The following DCAF5 variants were observed in gnomAD, a reference collection of about 807,000 sequenced individuals.
The protein encoded by DCAF5 is DDB1 and CUL4 associated factor 5, also known as DDB1- and CUL4-associated factor 5.
Under a neutral mutation model 80.7 loss-of-function variants are expected in DCAF5, and 9 were observed. The observed-to-expected ratio is 0.11, with a 90% CI of 0.07 to 0.19. The LOEUF is 0.19. DCAF5 is among the 10% of genes least tolerant of loss of function. The pLI is 1.00. For synonymous variants in DCAF5, 433 were observed against 461.9 expected, an observed-to-expected ratio of 0.94 and a Z score of 0.80; for missense variants, 842 against 1,205.7, an observed-to-expected ratio of 0.70 and a Z score of 4.47.
chr14:69,052,388 G>T lies in DCAF5; in HGVS notation c.*1469C>A, dbSNP rs896557360. ...TTCGGCCCTCCCTACACCAATCCCA[G>T]CTGGGCTCCTAGTTGTCTAGCACCT... is the stretch of plus-strand genomic sequence containing the variant. On this transcript the variant is annotated 3_prime_UTR_variant, in exon 9 of 9. Transcript: ENST00000341516. 7 of 152,704 alleles carry T rather than the reference G, an allele frequency of 4.6e-5. No homozygotes were observed. The highest frequency in any genetic ancestry group is 1.5e-5 in the Non-Finnish European group (1 of 68,060). 9.5% of individuals were successfully genotyped at this position (152,704 alleles called of 1,614,324 possible).
rs1258255326 is a variant in DCAF5 at position 69,118,112 on chromosome 14, C to G, written c.535+27G>C. ...TGACATCAAACTGTTCAACACAGTC[C>G]AACAGTCATTTGCACAGTGAGCCTA... On this transcript the variant is annotated intron_variant, in intron 4 of 8. Transcript: ENST00000341516. This position sits in a 1 kb window ranked among gnomAD's most constrained non-coding sequence, Gnocchi z 4.0. 3 of 1,612,962 alleles carry G rather than the reference C, an allele frequency of 1.9e-6. No individual in the cohort carries two copies. Among genetic ancestry groups the G allele is most frequent in the Non-Finnish European group, 2.5e-6 (3 of 1,179,270 alleles).
At chr14:69,091,135 C>G (rs758217942) in intron 6 of DCAF5, 2 of 751,550 alleles carry the variant, frequency 2.7e-6, no homozygotes. Flanking sequence ...ACAGCTTGGG[C>G]TCTCCATTTC....
At chr14:69,102,877 G>C (rs1484939644) in intron 5 of DCAF5, among the ~76,000 whole-genome samples, 2 of 152,100 alleles carry the variant, frequency 1.3e-5, no homozygotes, top group African/African-American at 2.4e-5. Flanking sequence ...TAACACAGCT[G>C]TTTATTATCA....
At chr14:69,091,586 A>G in intron 6 of DCAF5, 88 bp downstream of exon 6, 1 of 1,205,646 alleles carries the variant, frequency 8.3e-7, no homozygotes, top group Non-Finnish European at 1.2e-6. Context: ...TACCTGACAT[A>G]ATGGTAATGA....
chr14:69,052,657 T>C lies in DCAF5; in HGVS notation c.*1200A>G, dbSNP rs983228857. ...TGGGAACCAGAAGACTTAAGACTAA[T>C]GGGAACCAGGAGTCATAAGCCAGAG... On this transcript the variant is annotated 3_prime_UTR_variant, in exon 9 of 9. Coordinates refer to ENST00000341516, the MANE Select transcript of DCAF5 (RefSeq NM_003861.3). 1 of 152,152 alleles carries C rather than the reference T, an allele frequency of 6.6e-6. No individual in the cohort carries two copies. Among genetic ancestry groups the C allele is most frequent in the African/African-American group, 2.4e-5 (1 of 41,422 alleles). The allele number at this position is 152,152 out of a possible 1,614,324, so 9.4% of individuals were successfully genotyped here. A position where few individuals can be genotyped will look rare whatever the true frequency, so the allele number is the denominator to read the frequency against.
At chr14:69,126,274 C>G (rs923769207) in intron 1 of DCAF5, among the ~76,000 whole-genome samples, 5 of 151,536 alleles carry the variant, frequency 3.3e-5, no homozygotes, top group African/African-American at 1.2e-4. Context: ...TCTCCTGCCT[C>G]AGCCTCCTGA....
rs1267148214 is a variant in DCAF5, at chr14:69,118,806, T to C, written c.395+388A>G. Among the ~76,000 whole-genome samples the C allele has an allele frequency of 6.6e-6, 1 of 152,224 alleles. No individual in the cohort carries two copies. Among genetic ancestry groups the C allele is most frequent in the Non-Finnish European group, 1.5e-5 (1 of 68,040 alleles). ...TGATCTAGAACGGAGATGACAATAGTATCTCCTCAGAAAATGAGTGTGAGG... is the reference window on the plus strand; with the variant it reads ...TGATCTAGAACGGAGATGACAATAGCATCTCCTCAGAAAATGAGTGTGAGG... On this transcript the variant is annotated intron_variant, in intron 3 of 8. Coordinates refer to ENST00000341516, the MANE Select transcript of DCAF5 (RefSeq NM_003861.3). The surrounding 1 kb of genome is among the most constrained non-coding windows in gnomAD (Gnocchi z 4.0).
intron 1 of DCAF5, among the ~76,000 whole-genome samples, chr14:69,127,014 C>G (rs1022640104): frequency 6.6e-6 from 1 of 152,170 alleles, no homozygotes; most frequent in Non-Finnish European, 1.5e-5. Flanking sequence ...TGGAACAACA[C>G]GCAATCTCAT....
chr14:69,084,312 T>C, intron 6 of DCAF5: 1 of 957,220 alleles, frequency 1.0e-6, no homozygotes, highest in South Asian at 1.3e-5. Context: ...CCAGGCTGTC[T>C]GCTGGACCAT....
chr14:69,153,036 G>A lies in DCAF5; in HGVS notation c.-58C>T. ...CGCCCCTCCCTCGGCCTCACGCGCG[G>A]CCGCTGCTCCCCCCACCCGGCCCTC... On this transcript the variant is annotated 5_prime_UTR_variant, in exon 1 of 9. Coordinates refer to ENST00000341516, the MANE Select transcript of DCAF5 (RefSeq NM_003861.3). 7.4e-7 allele frequency: 1 copy of A among 1,352,946 alleles called. No individual in the cohort carries two copies. The highest frequency in any genetic ancestry group is 9.6e-7 in the Non-Finnish European group (1 of 1,037,278). 83.8% of individuals were successfully genotyped at this position (1,352,946 alleles called of 1,614,324 possible).
chr14:69,120,436 T>G (rs927352691), intron 2 of DCAF5, among the ~76,000 whole-genome samples: 3 of 152,178 alleles, frequency 2.0e-5, no homozygotes, highest in African/African-American at 7.2e-5. Flanking sequence ...ATTTGATGAC[T>G]GTGATTCCAA....
At chr14:69,103,176 T>A (rs2040023482) in intron 5 of DCAF5, among the ~76,000 whole-genome samples, 1 of 152,252 alleles carries the variant, frequency 6.6e-6, no homozygotes, top group Admixed American at 6.5e-5. Context: ...TGTAGAATGA[T>A]TATATAGTAG....
At chr14:69,143,526 T>C (rs1037974990) in intron 1 of DCAF5, among the ~76,000 whole-genome samples, 21 of 150,920 alleles carry the variant, frequency 1.4e-4, no homozygotes, top group Non-Finnish European at 1.8e-4. Context: ...TGACATCAAA[T>C]ATTAGCTATT....
chr14:69,126,889 C>T (rs960339094), intron 1 of DCAF5, among the ~76,000 whole-genome samples: 1 of 151,994 alleles, frequency 6.6e-6, no homozygotes, highest in Admixed American at 6.5e-5. Flanking sequence ...GACTTTATAC[C>T]CTTCATAAAA....
rs140917906 is a variant in DCAF5, at chr14:69,071,061, G to A, written c.946+4284C>T. Among the ~76,000 whole-genome samples the A allele has an allele frequency of 8.7e-3, 1,327 of 152,176 alleles. 20 individuals are homozygous for A. Among genetic ancestry groups the A allele is most frequent in the African/African-American group, 0.031 (1,268 of 41,504 alleles). The stretch of plus-strand genomic sequence containing the variant: ...GATCTGCCCCCCTCAGCCTCCCAAA[G>A]TGCCGGGATTATAGGCATGAGCCAC... On this transcript the variant is annotated intron_variant, in intron 7 of 8. Coordinates refer to ENST00000341516, the MANE Select transcript of DCAF5 (RefSeq NM_003861.3).
intron 5 of DCAF5, among the ~76,000 whole-genome samples, chr14:69,092,421 A>G (rs1247665710): frequency 6.6e-6 from 1 of 152,206 alleles, no homozygotes; most frequent in Admixed American, 6.5e-5. Flanking sequence ...GTTTGAGACC[A>G]GCCCTGGCAA....
chr14:69,153,004 G>C lies in DCAF5; in HGVS notation c.-26C>G, dbSNP rs1170815303. The C allele has an allele frequency of 2.6e-6, 4 of 1,525,798 alleles. No individual in the cohort carries two copies. In the South Asian group the frequency reaches 4.9e-5, roughly 19 times the overall value. 94.5% of individuals were successfully genotyped at this position (1,525,798 alleles called of 1,614,324 possible). A position where few individuals can be genotyped will look rare whatever the true frequency, so the allele number is the denominator to read the frequency against. On this transcript the variant is annotated 5_prime_UTR_variant, in exon 1 of 9. Transcript: ENST00000341516. Reference sequence around the variant, plus strand: ...GCTGGAACCGCCGCCGCCGCCGCTCGCGCCGCCGCCCCTCCCTCGGCCTCA... The same window carrying C: ...GCTGGAACCGCCGCCGCCGCCGCTCCCGCCGCCGCCCCTCCCTCGGCCTCA...
At chr14:69,122,149 A>G in intron 2 of DCAF5, 68 bp downstream of exon 2, 2 of 1,561,702 alleles carry the variant, frequency 1.3e-6, no homozygotes, top group Non-Finnish European at 1.8e-6. Context: ...ATAAGGAGTT[A>G]TTTTCGCACT....
rs753947601 is a variant in DCAF5, at chr14:69,133,167, T to A, written c.215-10807A>T. Among the ~76,000 whole-genome samples the A allele has an allele frequency of 5.9e-5, 9 of 152,132 alleles. 1 individual carries two copies. The highest frequency in any genetic ancestry group is 8.8e-5 in the Non-Finnish European group (6 of 68,028). Reference sequence around the variant, plus strand: ...CAACCCCACGAAGTAGGAATTCACATGAAACTACAGAAAAGCTACATAATA... The same window carrying A: ...CAACCCCACGAAGTAGGAATTCACAAGAAACTACAGAAAAGCTACATAATA... On this transcript the variant is annotated intron_variant, in intron 1 of 8. Transcript: ENST00000341516.
Sources: allele counts gnomAD v4.1 joint callset (sites outside exome capture counted in the v4.1 genomes callset), GRCh38; gene constraint gnomAD v4.1.1; non-coding constraint Gnocchi (gnomAD v3.1); transcripts MANE v1.5; gene names NCBI Gene and HGNC (gene_info 2026-07-23, HGNC 2026-07-21).